Variants in FRMD4B observed in about 807,000 individuals in gnomAD.
FRMD4B encodes the protein FERM domain containing 4B, also known as FERM domain-containing protein 4B.
FRMD4B carries 74 observed loss-of-function variants against 141.5 expected under a neutral mutation model. That is an observed-to-expected ratio of 0.52 (90% CI 0.43 to 0.63). FRMD4B has a LOEUF of 0.63. Among genes scored for constraint, FRMD4B ranks in the 30% least tolerant of loss-of-function variants. The probability of loss-of-function intolerance (pLI) is 0.00; values close to 1 mark genes in which losing one functional copy is unlikely to be tolerated. For missense variants in FRMD4B, 1,366 were observed against 1,253.4 expected (o/e 1.09, Z -1.36); for synonymous variants, 506 against 467.9 (o/e 1.08, Z -1.05).
At chr3:69,507,837 T>TA (rs1358338109) in intron 1 of FRMD4B, among the ~76,000 whole-genome samples, 1 of 152,106 alleles carries the variant, frequency 6.6e-6, no homozygotes, top group East Asian at 1.9e-4. Flanking sequence ...CTGTTTAAAA[T>TA]AGAGGGAAAA....
At chr3:69,173,312 T>C (rs1449162502) in intron 22 of FRMD4B, among the ~76,000 whole-genome samples, 1 of 152,192 alleles carries the variant, frequency 6.6e-6, no homozygotes. Context: ...ATGCCAATTG[T>C]ACTAGAAAAA....
At chr3:69,363,211 C>G (rs1268948138) in intron 1 of FRMD4B, among the ~76,000 whole-genome samples, 3 of 149,858 alleles carry the variant, frequency 2.0e-5, no homozygotes, top group East Asian at 3.9e-4. Context: ...GCTCTCACAT[C>G]TCCACTCCAA....
At chr3:69,355,423 T>A (rs1403712731) in intron 1 of FRMD4B, among the ~76,000 whole-genome samples, 1 of 152,184 alleles carries the variant, frequency 6.6e-6, no homozygotes, top group Admixed American at 6.5e-5. Flanking sequence ...GACAGAACCT[T>A]CTATTTGTTA....
In FRMD4B at chr3:69,459,880, CTCTA is replaced by C. The variant is rs766977913; in HGVS notation, c.-128-27123_-128-27120del. On this transcript the variant is annotated intron_variant, in intron 1 of 5. Coordinates refer to the FRMD4B transcript ENST00000459638. Reference sequence around the variant, plus strand: ...ACAAACTCACAGCAACTGTAGGTGTCTCTATCTACTTATCTATTTAATTAGTTAT... The same window carrying C: ...ACAAACTCACAGCAACTGTAGGTGTCTCTACTTATCTATTTAATTAGTTAT... 5.9e-5 allele frequency among the ~76,000 whole-genome samples: 9 copies of C among 152,282 alleles called. No individual in the cohort carries two copies. The East Asian group carries it at 9.6e-4, about 16-fold the overall frequency.
intron 19 of FRMD4B, among the ~76,000 whole-genome samples, chr3:69,183,156 C>T (rs968814531): frequency 6.6e-6 from 1 of 152,170 alleles, no homozygotes; most frequent in South Asian, 2.1e-4. Context: ...AGAGCGACTA[C>T]TCAGCTCTGC....
intron 7 of FRMD4B, among the ~76,000 whole-genome samples, chr3:69,226,202 CA>C (rs935554186): frequency 2.0e-5 from 3 of 152,112 alleles, no homozygotes; most frequent in African/African-American, 7.2e-5. Context: ...AATAAAAAGT[CA>C]CTTGGCTCCT....
chr3:69,384,468 C>A (rs1167986843), intron 1 of FRMD4B, among the ~76,000 whole-genome samples: 1 of 152,026 alleles, frequency 6.6e-6, no homozygotes, highest in East Asian at 1.9e-4. Flanking sequence ...CCAAACTGAA[C>A]AGGGATTTCC....
chr3:69,296,028 G>A (rs1320052128), intron 4 of FRMD4B, among the ~76,000 whole-genome samples: 1 of 152,082 alleles, frequency 6.6e-6, no homozygotes, highest in Non-Finnish European at 1.5e-5. Flanking sequence ...TGTTGGCCAG[G>A]CTGTTCTCGA....
rs113185514 is a variant in FRMD4B at position 69,209,578 on chromosome 3, G to A, written c.876+6685C>T. ...AAAGTTGAGTGACAGCTCTGAGTCA[G>A]CCAGCTGGTAAGTGGAAATGCAGAA... On this transcript the variant is annotated intron_variant, in intron 11 of 22. Transcript: ENST00000398540. 2.6e-3 allele frequency among the ~76,000 whole-genome samples: 392 copies of A among 152,286 alleles called. 2 individuals carry two copies. Among genetic ancestry groups the A allele is most frequent in the African/African-American group, 9.0e-3 (374 of 41,558 alleles).
intron 1 of FRMD4B, among the ~76,000 whole-genome samples, chr3:69,373,720 C>CA (rs1258873305): frequency 3.9e-5 from 6 of 151,942 alleles, no homozygotes; most frequent in African/African-American, 9.7e-5. Flanking sequence ...TAAAAAAATA[C>CA]AAAAAATTGC....
chr3:69,484,125 G>GTT (rs1377803971), intron 1 of FRMD4B, among the ~76,000 whole-genome samples: 1 of 152,214 alleles, frequency 6.6e-6, no homozygotes, highest in Admixed American at 6.5e-5. Flanking sequence ...GGCGTAGGAT[G>GTT]TTTTGAGCAA....
At chr3:69,517,157 C>T (rs916924671) in intron 1 of FRMD4B, among the ~76,000 whole-genome samples, 3 of 152,184 alleles carry the variant, frequency 2.0e-5, no homozygotes, top group South Asian at 2.1e-4. Flanking sequence ...GATACTAATG[C>T]TACTTTCTGT....
In FRMD4B at chr3:69,302,362, T is replaced by C; in HGVS notation, c.397A>G (p.Ile133Val). Residue 133 changes from isoleucine (I) to valine (V), a missense_variant, in exon 4 of 23, where the codon ATT becomes GTT. Transcript: ENST00000398540. ...ACATACCTCACAGCAAAGTGCAAAA[T>C]GGTTGGGCCTGGTTTCTTGGGCAAA... is the stretch of plus-strand genomic sequence containing the variant. ...HDLPKKPGPT[I>V]LHFAVRFYIE... is the part of the protein sequence containing the mutation. 1 of 1,602,626 alleles carries C rather than the reference T, an allele frequency of 6.2e-7. No homozygotes were observed. The highest frequency in any genetic ancestry group is 8.5e-7 in the Non-Finnish European group (1 of 1,171,128).
intron 1 of FRMD4B, among the ~76,000 whole-genome samples, chr3:69,366,508 C>G (rs1703661834): frequency 7.9e-6 from 1 of 126,038 alleles, no homozygotes; most frequent in Non-Finnish European, 1.7e-5. Context: ...ATAGGGTGAT[C>G]TCACCTCTGT....
At chr3:69,196,829 G>T in intron 13 of FRMD4B, 71 bp downstream of exon 13, 1 of 1,156,422 alleles carries the variant, frequency 8.6e-7, no homozygotes. Flanking sequence ...CATCTTTTGT[G>T]AGAAGGCTTA....
At position 69,356,343 on chromosome 3, in the gene FRMD4B, G is replaced by C. The variant is rs6780513; in HGVS notation, c.162+29485C>G. 2.0e-5 allele frequency among the ~76,000 whole-genome samples: 3 copies of C among 151,856 alleles called. 1 individual carries two copies. The highest frequency in any genetic ancestry group is 2.0e-4 in the Admixed American group (3 of 15,254). On this transcript the variant is annotated intron_variant, in intron 1 of 22. Transcript: ENST00000398540. Reference sequence around the variant, plus strand: ...GGTGGGCACCATCTGATCAGCTGCCGCTGTGGCCAGAATATAAAGCAGGCA... The same window carrying C: ...GGTGGGCACCATCTGATCAGCTGCCCCTGTGGCCAGAATATAAAGCAGGCA...
intron 1 of FRMD4B, among the ~76,000 whole-genome samples, chr3:69,455,310 T>C (rs1170527851): frequency 2.0e-5 from 3 of 152,204 alleles, no homozygotes; most frequent in Non-Finnish European, 4.4e-5. Context: ...GGAGGTTTGT[T>C]CTTTCACTCT....
At chr3:69,221,028 T>A (rs916235449) in intron 9 of FRMD4B, among the ~76,000 whole-genome samples, 1 of 151,816 alleles carries the variant, frequency 6.6e-6, no homozygotes, top group African/African-American at 2.4e-5. Flanking sequence ...AATGGTGCAA[T>A]CACGGCTCAC....
rs374607607 is a variant in FRMD4B at position 69,339,951 on chromosome 3, G to T, written c.163-26434C>A. 1.3e-4 allele frequency among the ~76,000 whole-genome samples: 20 copies of T among 152,000 alleles called. No individual in the cohort carries two copies. The East Asian group carries it at 3.1e-3, about 24-fold the overall frequency. ...CAATCAGAAAAAAACTCCCATCCCT[G>T]AGGCGGCCTACCAAGCCCTGCACTG... is the stretch of plus-strand genomic sequence containing the variant. On this transcript the variant is annotated intron_variant, in intron 1 of 22. Coordinates refer to ENST00000398540, the MANE Select transcript of FRMD4B (RefSeq NM_015123.3).
Sources: gnomAD v4.1 joint callset for allele counts (sites outside exome capture counted in the v4.1 genomes callset) on GRCh38, gnomAD v4.1.1 for gene constraint, MANE v1.5 for transcripts, NCBI Gene and HGNC (gene_info 2026-07-23, HGNC 2026-07-21) for gene names.